KAZN: variants seen among roughly 807,000 people sequenced by gnomAD.
KAZN encodes the protein kazrin.
In KAZN, 40 loss-of-function variants were observed where a neutral mutation model predicts 87.4. The ratio of observed to expected loss-of-function variants is 0.46; its 90% confidence interval spans 0.36 to 0.60. The LOEUF is 0.60. Ranked by LOEUF, KAZN falls within the 20% of genes least tolerant of loss-of-function variation. The pLI is 0.00. For missense variants in KAZN, 898 were observed against 1,073.9 expected, an observed-to-expected ratio of 0.84 and a Z score of 2.29; for synonymous variants, 466 against 458.3, an observed-to-expected ratio of 1.02 and a Z score of -0.22.
At chr1:14,449,635 G>A (rs1167573213) in intron 2 of KAZN, among the ~76,000 whole-genome samples, 7 of 152,194 alleles carry the variant, frequency 4.6e-5, no homozygotes, top group Non-Finnish European at 1.0e-4. Context: ...TTCCCCAAGA[G>A]GGAAAGAACT....
In KAZN at chr1:14,923,369, C is replaced by A. The variant is rs1209709603; in HGVS notation, c.227-37315C>A. ...ACAGGAGCACTGCCAGCCTGAACAC[C>A]CACTCCAGCGGGTGGGTTCTGTTGT... On this transcript the variant is annotated intron_variant, in intron 1 of 14. Transcript: ENST00000376030. The surrounding 1 kb of genome is among the most constrained non-coding windows in gnomAD (Gnocchi z 4.2). Among the ~76,000 whole-genome samples, 1 of 152,210 alleles carries A rather than the reference C, an allele frequency of 6.6e-6. No homozygotes were observed. Among genetic ancestry groups the A allele is most frequent in the Non-Finnish European group, 1.5e-5 (1 of 68,026 alleles).
At chr1:14,319,015 TTTATTTATTTA>T (rs756087311) in intron 2 of KAZN, among the ~76,000 whole-genome samples, 2,184 of 24,338 alleles carry the variant, frequency 0.09, 32 homozygotes, top group Non-Finnish European at 0.23. Flanking sequence ...TTTATTTTTA[TTTATTTATTTA>T]TTTATTTATT....
chr1:14,552,619 T>C (rs1673609254), intron 2 of KAZN, among the ~76,000 whole-genome samples: 1 of 152,104 alleles, frequency 6.6e-6, no homozygotes, highest in Non-Finnish European at 1.5e-5. Context: ...TCACAAAAGC[T>C]GGAGGAGACC....
At chr1:14,314,474 C>T (rs1557633893) in intron 2 of KAZN, among the ~76,000 whole-genome samples, 1 of 152,078 alleles carries the variant, frequency 6.6e-6, no homozygotes, top group South Asian at 2.1e-4. Context: ...ACATGAGATT[C>T]CTGTTGGCTT....
At chr1:14,514,168 C>CA (rs979282886) in intron 2 of KAZN, among the ~76,000 whole-genome samples, 10 of 132,364 alleles carry the variant, frequency 7.6e-5, no homozygotes, top group Admixed American at 4.9e-4. Context: ...AAAAAAAATA[C>CA]AAAAAAATTA....
At chr1:14,749,966 C>G (rs1644366640) in intron 1 of KAZN, among the ~76,000 whole-genome samples, 1 of 152,030 alleles carries the variant, frequency 6.6e-6, no homozygotes, top group Admixed American at 6.5e-5. Flanking sequence ...TTACACAAAT[C>G]TATACATGGG....
chr1:14,641,925 T>C (rs1021124883), intron 1 of KAZN, among the ~76,000 whole-genome samples: 1 of 152,264 alleles, frequency 6.6e-6, no homozygotes, highest in Non-Finnish European at 1.5e-5. Flanking sequence ...GTACGTGACA[T>C]AGGATATGTA....
At chr1:14,218,350 C>A (rs929890786) in intron 2 of KAZN, among the ~76,000 whole-genome samples, 11 of 152,094 alleles carry the variant, frequency 7.2e-5, no homozygotes, top group African/African-American at 2.4e-4. Context: ...AAAGAGAAAG[C>A]AACCCAATAG....
intron 1 of KAZN, among the ~76,000 whole-genome samples, chr1:14,646,664 G>A (rs1205207783): frequency 6.6e-6 from 1 of 152,108 alleles, no homozygotes; most frequent in Non-Finnish European, 1.5e-5. Context: ...TGTCAGCAGT[G>A]TCCCCCAGCC....
intron 1 of KAZN, among the ~76,000 whole-genome samples, chr1:14,106,942 C>T (rs916183312): frequency 7.1e-6 from 1 of 141,584 alleles, no homozygotes; most frequent in African/African-American, 2.6e-5. Flanking sequence ...CCCTCCCTCC[C>T]TCCTTCCCCT....
chr1:14,197,395 A>G (rs1173620652), intron 2 of KAZN, among the ~76,000 whole-genome samples: 1 of 151,312 alleles, frequency 6.6e-6, no homozygotes, highest in African/African-American at 2.4e-5. Flanking sequence ...GTTAAAAAAA[A>G]AAAAAAAAAA....
chr1:14,331,771 A>AGGAATAAATAAATTG (rs1220299923), intron 2 of KAZN, among the ~76,000 whole-genome samples: 5 of 152,160 alleles, frequency 3.3e-5, no homozygotes, highest in African/African-American at 1.2e-4. Context: ...TCCCCCTACC[A>AGGAATAAATAAATTG]GGAATAAATA....
intron 1 of KAZN, among the ~76,000 whole-genome samples, chr1:14,782,317 C>A (rs114344421): frequency 6.6e-6 from 1 of 151,906 alleles, no homozygotes; most frequent in Admixed American, 6.6e-5. Flanking sequence ...GAGGCCGAGG[C>A]GGGTGAAATC....
chr1:14,910,061 T>TAATGAATGAATGAATGAATGAATGAATG (rs113826124), intron 1 of KAZN, among the ~76,000 whole-genome samples: 2 of 147,240 alleles, frequency 1.4e-5, no homozygotes. Context: ...AATAAATAAA[T>TAATGAATGAATGAATGAATGAATGAATG]AATGAATGAA....
At chr1:14,234,241 C>A (rs931360031) in intron 2 of KAZN, among the ~76,000 whole-genome samples, 2 of 152,156 alleles carry the variant, frequency 1.3e-5, no homozygotes, top group African/African-American at 4.8e-5. Context: ...AGGATGAGTT[C>A]ATGTTCTTTG....
intron 1 of KAZN, among the ~76,000 whole-genome samples, chr1:14,814,308 CCT>C (rs1557517366): frequency 6.6e-6 from 1 of 152,140 alleles, no homozygotes; most frequent in African/African-American, 2.4e-5. Flanking sequence ...CTCCCTGAAA[CCT>C]CTGCCCCCCG....
At chr1:14,629,488 G>A (rs948005360) in intron 1 of KAZN, among the ~76,000 whole-genome samples, 1 of 152,208 alleles carries the variant, frequency 6.6e-6, no homozygotes, top group Non-Finnish European at 1.5e-5. Flanking sequence ...AACCTCGCAG[G>A]CTGCGAGCAC....
intron 1 of KAZN, among the ~76,000 whole-genome samples, chr1:13,911,613 A>G (rs1391332680): frequency 1.3e-5 from 2 of 152,240 alleles, no homozygotes; most frequent in African/African-American, 2.4e-5. Context: ...GAAGGAAGAC[A>G]TCACGTCCTT....
chr1:14,794,264 C>T (rs1011975008), intron 1 of KAZN, among the ~76,000 whole-genome samples: 15 of 152,174 alleles, frequency 9.9e-5, no homozygotes, highest in East Asian at 1.9e-4. Flanking sequence ...AGAGTTAGGA[C>T]GCAAAAGAGA....
Sources: gnomAD v4.1 joint callset for allele counts (sites outside exome capture counted in the v4.1 genomes callset) on GRCh38, gnomAD v4.1.1 for gene constraint, Gnocchi (gnomAD v3.1) non-coding constraint, MANE v1.5 for transcripts, NCBI Gene and HGNC (gene_info 2026-07-23, HGNC 2026-07-21) for gene names.